GLI2: variants seen among roughly 807,000 people sequenced by gnomAD.
GLI2 encodes GLI family zinc finger 2, also known as transcription activator GLI2.
GLI2 carries 22 observed loss-of-function variants against 78.9 expected under a neutral mutation model. That is an observed-to-expected ratio of 0.28 (90% CI 0.20 to 0.40). GLI2 has a LOEUF of 0.40. Ranked by LOEUF, GLI2 falls within the 10% of genes least tolerant of loss-of-function variation. GLI2 has a pLI of 1.00. For synonymous variants in GLI2, 974 were observed against 963.7 expected (o/e 1.01, Z -0.20); for missense variants, 2,097 against 2,213.2 (o/e 0.95, Z 1.05).
intron 2 of GLI2, among the ~76,000 whole-genome samples, chr2:120,884,830 G>T (rs754465268): frequency 7.9e-5 from 12 of 152,246 alleles, no homozygotes; most frequent in Middle Eastern, 6.8e-3. Context: ...GGAGAGTGGC[G>T]CGTGGGGGCC....
chr2:120,858,670 G>A (rs949805362), intron 2 of GLI2, among the ~76,000 whole-genome samples: 1 of 152,206 alleles, frequency 6.6e-6, no homozygotes, highest in African/African-American at 2.4e-5. Context: ...CCCAGTGGCC[G>A]GAGGCTGGTT....
intron 5 of GLI2, 42 bp from the exon 6 acceptor site, chr2:120,968,667 CCCCAT>C: frequency 7.4e-7 from 1 of 1,359,488 alleles, no homozygotes; most frequent in Non-Finnish European, 1.1e-6. Context: ...TCACCCCCTC[CCCCAT>C]CCCCAGTGAT....
intron 1 of GLI2, among the ~76,000 whole-genome samples, chr2:120,778,972 A>G (rs1312620714): frequency 1.3e-5 from 2 of 152,126 alleles, no homozygotes; most frequent in African/African-American, 4.8e-5. Flanking sequence ...GACAGGGGAA[A>G]ATTTGGGTTA....
In GLI2 at chr2:120,912,686, C is replaced by T. The variant is rs887243283; in HGVS notation, c.149-14675C>T. ...GCCCGGTGTTTCTCCACGGTCCTGC[C>T]GCACTGCCCCTCATGACCCCGGCAT... On this transcript the variant is annotated intron_variant, in intron 2 of 13. Transcript: ENST00000361492. Among the ~76,000 whole-genome samples the T allele has an allele frequency of 1.1e-4, 16 of 152,176 alleles. 1 individual carries two copies. Among genetic ancestry groups the T allele is most frequent in the African/African-American group, 3.6e-4 (15 of 41,438 alleles).
intron 2 of GLI2, among the ~76,000 whole-genome samples, chr2:120,849,159 G>A (rs1233080171): frequency 6.6e-6 from 1 of 152,166 alleles, no homozygotes; most frequent in African/African-American, 2.4e-5. Flanking sequence ...AAGTAGAATC[G>A]CAGCTGTCAG....
intron 2 of GLI2, among the ~76,000 whole-genome samples, chr2:120,804,942 G>A (rs1162366025): frequency 2.0e-5 from 3 of 152,204 alleles, no homozygotes; most frequent in Non-Finnish European, 4.4e-5. Context: ...CTTACCAGCC[G>A]TGTCTTCTGG....
intron 2 of GLI2, among the ~76,000 whole-genome samples, chr2:120,820,753 A>G (rs1208141876): frequency 1.3e-5 from 2 of 152,050 alleles, no homozygotes; most frequent in African/African-American, 4.8e-5. Flanking sequence ...CTTTTTTTCT[A>G]GTGGGAAGGG....
At chr2:120,938,170 C>A (rs1215450328) in intron 3 of GLI2, among the ~76,000 whole-genome samples, 1 of 152,172 alleles carries the variant, frequency 6.6e-6, no homozygotes, top group Non-Finnish European at 1.5e-5. Flanking sequence ...GCAGGACCGA[C>A]TCCCCCAGGG....
At chr2:120,913,133 C>T (rs933914355) in intron 2 of GLI2, among the ~76,000 whole-genome samples, 9 of 152,182 alleles carry the variant, frequency 5.9e-5, no homozygotes, top group Non-Finnish European at 1.0e-4. Context: ...ATTCTCATCA[C>T]CATATTTTGT....
chr2:120,758,862 G>A (rs1683122512), intron 1 of GLI2, among the ~76,000 whole-genome samples: 1 of 152,190 alleles, frequency 6.6e-6, no homozygotes, highest in African/African-American at 2.4e-5. Context: ...TGCACAGAAG[G>A]GGAGGGGCAG....
intron 2 of GLI2, among the ~76,000 whole-genome samples, chr2:120,919,624 C>T (rs767613270): frequency 2.5e-4 from 38 of 152,272 alleles, no homozygotes; most frequent in Non-Finnish European, 4.6e-4. Flanking sequence ...TCTCTCTCCA[C>T]GTGGCTCCAG....
intron 1 of GLI2, among the ~76,000 whole-genome samples, chr2:120,765,436 C>A (rs748115095): frequency 6.6e-6 from 1 of 152,206 alleles, no homozygotes; most frequent in Non-Finnish European, 1.5e-5. Flanking sequence ...CCAGGGGAGT[C>A]AAATGCAGGA....
At chr2:120,923,797 CCA>C (rs774121633) in intron 2 of GLI2, among the ~76,000 whole-genome samples, 1 of 152,042 alleles carries the variant, frequency 6.6e-6, no homozygotes, top group Non-Finnish European at 1.5e-5. Context: ...TATACATACC[CCA>C]CACACGCTAC....
rs1271976548 is a variant in GLI2, at chr2:120,759,353, C to T, written c.-31+23068C>T. On this transcript the variant is annotated intron_variant, in intron 1 of 13. Coordinates refer to ENST00000361492, the MANE Select transcript of GLI2 (RefSeq NM_001374353.1). Reference sequence around the variant, plus strand: ...AAGACCGCCCCACATCTGTGGCATCCCACAGATGCCAGTCTCAAGTACAGG... The same window carrying T: ...AAGACCGCCCCACATCTGTGGCATCTCACAGATGCCAGTCTCAAGTACAGG... Among the ~76,000 whole-genome samples the T allele has an allele frequency of 2.0e-5, 3 of 152,230 alleles. No individual in the cohort carries two copies. In the East Asian group the frequency reaches 5.8e-4, roughly 29 times the overall value.
At chr2:120,790,305 TG>T (rs1219427032) in intron 1 of GLI2, among the ~76,000 whole-genome samples, 1 of 152,194 alleles carries the variant, frequency 6.6e-6, no homozygotes, top group African/African-American at 2.4e-5. Context: ...ATAATCTTGC[TG>T]GGGGTGCATC....
At chr2:120,825,383 G>A (rs1327580068) in intron 2 of GLI2, among the ~76,000 whole-genome samples, 3 of 151,712 alleles carry the variant, frequency 2.0e-5, no homozygotes, top group African/African-American at 7.3e-5. Flanking sequence ...AACTGGCTGT[G>A]AATGCGCCTG....
At chr2:120,822,870 C>T (rs992949860) in intron 2 of GLI2, among the ~76,000 whole-genome samples, 5 of 152,206 alleles carry the variant, frequency 3.3e-5, no homozygotes, top group African/African-American at 1.2e-4. Flanking sequence ...ATTTTATTTT[C>T]AGTACACTCT....
intron 2 of GLI2, among the ~76,000 whole-genome samples, chr2:120,799,510 C>T (rs1190247479): frequency 6.6e-6 from 1 of 152,192 alleles, no homozygotes; most frequent in Non-Finnish European, 1.5e-5. Flanking sequence ...TGGGAAGGGT[C>T]CTCCTGGAGT....
chr2:120,932,875 A>C (rs1680010591), intron 3 of GLI2, among the ~76,000 whole-genome samples: 1 of 152,042 alleles, frequency 6.6e-6, no homozygotes, highest in Non-Finnish European at 1.5e-5. Flanking sequence ...TGTGGCACAG[A>C]AGGTGGGGGA....
Sources: allele counts gnomAD v4.1 joint callset (sites outside exome capture counted in the v4.1 genomes callset), GRCh38; gene constraint gnomAD v4.1.1; transcripts MANE v1.5; gene names NCBI Gene and HGNC (gene_info 2026-07-23, HGNC 2026-07-21).